LHFPL4: variants seen among roughly 807,000 people sequenced by gnomAD.
The protein encoded by LHFPL4 is LHFPL tetraspan subfamily member 4 protein.
LHFPL4 carries 6 observed loss-of-function variants against 20.0 expected under a neutral mutation model. That is an observed-to-expected ratio of 0.30 (90% CI 0.16 to 0.59). LHFPL4 has a LOEUF of 0.59. Ranked by LOEUF, LHFPL4 falls within the 20% of genes least tolerant of loss-of-function variation. The probability of loss-of-function intolerance (pLI) is 0.88; values close to 1 mark genes in which losing one functional copy is unlikely to be tolerated. For missense variants in LHFPL4, 215 were observed against 331.2 expected, an observed-to-expected ratio of 0.65 and a Z score of 2.72; for synonymous variants, 129 against 143.8, an observed-to-expected ratio of 0.90 and a Z score of 0.74.
chr3:9,527,410 A>G (rs1278406168), intron 2 of LHFPL4, among the ~76,000 whole-genome samples: 1 of 152,150 alleles, frequency 6.6e-6, no homozygotes, highest in Non-Finnish European at 1.5e-5. Context: ...CACTACTAAA[A>G]AAAATAATAA....
At chr3:9,523,803 C>G (rs957405005) in intron 2 of LHFPL4, among the ~76,000 whole-genome samples, 5 of 152,126 alleles carry the variant, frequency 3.3e-5, no homozygotes, top group African/African-American at 1.2e-4. Context: ...TTGTATACAT[C>G]TGAGCTTCTA....
rs144571081 is a variant in LHFPL4 at position 9,506,540 on chromosome 3, T to C, written c.407-337A>G. On this transcript the variant is annotated intron_variant, in intron 2 of 3. Transcript: ENST00000287585. This position sits in a 1 kb window ranked among gnomAD's most constrained non-coding sequence, Gnocchi z 4.5. Reference sequence around the variant, plus strand: ...AACTTCCTCTAGCATCGGGACCAACTCCCTCTCCCATCTCTCCCATCCTCA... The same window carrying C: ...AACTTCCTCTAGCATCGGGACCAACCCCCTCTCCCATCTCTCCCATCCTCA... 7.0e-3 allele frequency among the ~76,000 whole-genome samples: 1,069 copies of C among 152,164 alleles called. 7 individuals are homozygous for C. The highest frequency in any genetic ancestry group is 0.02 in the Middle Eastern group (6 of 294).
At chr3:9,510,103 G>C (rs2625888) in intron 2 of LHFPL4, among the ~76,000 whole-genome samples, 146,080 of 152,266 alleles carry the variant, frequency 0.96, 70,120 homozygotes, top group Middle Eastern at 1. Context: ...TAGCATCATC[G>C]GTGGCCTCTA....
intron 2 of LHFPL4, among the ~76,000 whole-genome samples, chr3:9,546,084 C>T (rs890223704): frequency 2.6e-4 from 39 of 151,710 alleles, no homozygotes; most frequent in Admixed American, 2.6e-3. Flanking sequence ...GAGGCCGAGG[C>T]CAGCGGATCA....
intron 2 of LHFPL4, among the ~76,000 whole-genome samples, chr3:9,546,368 G>T (rs1284039824): frequency 3.3e-5 from 5 of 151,348 alleles, no homozygotes; most frequent in Non-Finnish European, 7.4e-5. Flanking sequence ...AGGCTGAAAG[G>T]TACTCACTTC....
chr3:9,504,824 CAAAAA>C (rs35221511), intron 3 of LHFPL4, among the ~76,000 whole-genome samples: 1 of 144,998 alleles, frequency 6.9e-6, no homozygotes, highest in Admixed American at 6.9e-5. Flanking sequence ...GACTCCATCT[CAAAAA>C]AAAAAAAATA....
chr3:9,507,893 T>C (rs1336824717), intron 2 of LHFPL4, among the ~76,000 whole-genome samples: 1 of 152,206 alleles, frequency 6.6e-6, no homozygotes, highest in African/African-American at 2.4e-5. Context: ...CTCCACCAGC[T>C]CTGCATCACC....
At chr3:9,552,135 G>A in intron 2 of LHFPL4, 139 bp downstream of exon 2, 4 of 1,124,754 alleles carry the variant, frequency 3.6e-6, no homozygotes, top group Non-Finnish European at 5.0e-6. Flanking sequence ...AATACCCACT[G>A]AGGGTCCGTC....
chr3:9,505,891 T>C lies in LHFPL4; in HGVS notation c.643+76A>G. 1.4e-6 allele frequency: 2 copies of C among 1,384,612 alleles called. 1 individual carries two copies. The highest frequency in any genetic ancestry group is 4.5e-4 in the Middle Eastern group (2 of 4,488). 85.8% of individuals were successfully genotyped at this position (1,384,612 alleles called of 1,614,324 possible). A position where few individuals can be genotyped will look rare whatever the true frequency, so the allele number is the denominator to read the frequency against. On this transcript the variant is annotated intron_variant, in intron 3 of 3. Transcript: ENST00000287585. ...CCAATTCATGCAACCCTCTTACTCCTTTTATTTGAAATTATCCTGCCTCCC... is the reference window on the plus strand; with the variant it reads ...CCAATTCATGCAACCCTCTTACTCCCTTTATTTGAAATTATCCTGCCTCCC...
At chr3:9,532,503 G>C (rs934379418) in intron 2 of LHFPL4, among the ~76,000 whole-genome samples, 1 of 151,968 alleles carries the variant, frequency 6.6e-6, no homozygotes, top group African/African-American at 2.4e-5. Context: ...ACCACACCCA[G>C]CTAATTTTTA....
rs555163950 is a variant in LHFPL4, at chr3:9,542,734, G to A, written c.406+9540C>T. Among the ~76,000 whole-genome samples, 122 of 150,250 alleles carry A rather than the reference G, an allele frequency of 8.1e-4. 1 individual carries two copies. The highest frequency in any genetic ancestry group is 1.3e-3 in the Non-Finnish European group (86 of 67,818). On this transcript the variant is annotated intron_variant, in intron 2 of 3. Coordinates refer to ENST00000287585, the MANE Select transcript of LHFPL4 (RefSeq NM_198560.3). ...TGAGATGAAAGGATCGCTTGAGCCC[G>A]AGACTGAGGCTGCAGTGAGCTATGA...
intron 2 of LHFPL4, among the ~76,000 whole-genome samples, chr3:9,537,988 C>A (rs1323343280): frequency 2.0e-5 from 3 of 152,276 alleles, no homozygotes; most frequent in African/African-American, 7.2e-5. Context: ...CTTCCTCCAC[C>A]CTAGGTCTGA....
intron 3 of LHFPL4, among the ~76,000 whole-genome samples, chr3:9,505,442 GTT>G (rs535829436): frequency 6.8e-6 from 1 of 147,302 alleles, no homozygotes; most frequent in Non-Finnish European, 1.5e-5. Context: ...GCTAGTTTTT[GTT>G]TTTTTTTGTT....
Position 9,536,385 on chromosome 3 carries a change from C to T in LHFPL4, c.406+15889G>A, listed in dbSNP as rs191856308. 9.1e-4 allele frequency among the ~76,000 whole-genome samples: 138 copies of T among 152,250 alleles called. 3 individuals are homozygous for T. Among genetic ancestry groups the T allele is most frequent in the Admixed American group, 8.3e-3 (127 of 15,294 alleles). On this transcript the variant is annotated intron_variant, in intron 2 of 3. Transcript: ENST00000287585. ...CCTAGGAGGTGACTCCTGTCCCATC[C>T]AACAACCTAGATGCTGAGGCCAGCC...
At chr3:9,532,832 A>T (rs184186890) in intron 2 of LHFPL4, among the ~76,000 whole-genome samples, 2 of 152,054 alleles carry the variant, frequency 1.3e-5, no homozygotes, top group African/African-American at 4.8e-5. Flanking sequence ...TTCTCCCTTG[A>T]TGTGGCCTCT....
At chr3:9,520,612 G>A (rs1008692545) in intron 2 of LHFPL4, among the ~76,000 whole-genome samples, 1 of 152,098 alleles carries the variant, frequency 6.6e-6, no homozygotes, top group African/African-American at 2.4e-5. Context: ...TCAAAGTGCT[G>A]AAATTACAGG....
chr3:9,531,980 T>C (rs2046412141), intron 2 of LHFPL4, among the ~76,000 whole-genome samples: 1 of 152,194 alleles, frequency 6.6e-6, no homozygotes. Flanking sequence ...CGATGTACTT[T>C]TATGTAAAGC....
At chr3:9,519,577 T>C (rs931537904) in intron 2 of LHFPL4, among the ~76,000 whole-genome samples, 1 of 152,174 alleles carries the variant, frequency 6.6e-6, no homozygotes, top group Non-Finnish European at 1.5e-5. Context: ...TCTCTTTTTT[T>C]GAGACAGAAT....
intron 2 of LHFPL4, chr3:9,550,756 C>T (rs998246538): frequency 6.6e-6 from 1 of 152,054 alleles, no homozygotes; most frequent in African/African-American, 2.4e-5. Context: ...TTCACCTTTC[C>T]CACCCTCTTC....
Sources: allele counts gnomAD v4.1 joint callset (sites outside exome capture counted in the v4.1 genomes callset), GRCh38; gene constraint gnomAD v4.1.1; non-coding constraint Gnocchi (gnomAD v3.1); transcripts MANE v1.5; gene names NCBI Gene and HGNC (gene_info 2026-07-23, HGNC 2026-07-21).